The following NEXMIF variants were observed in gnomAD, a reference collection of about 807,000 sequenced individuals.
NEXMIF encodes the protein neurite extension and migration factor, also known as XLMR protein related to neurite extension.
A neutral mutation model predicts 62.1 loss-of-function variants in NEXMIF; 8 were observed. The ratio of observed to expected loss-of-function variants is 0.13; its 90% CI spans 0.08 to 0.23. NEXMIF has a LOEUF of 0.23. NEXMIF is among the 10% of genes least tolerant of loss of function. The pLI, the probability that NEXMIF is intolerant of heterozygous loss-of-function variation, is 1.00. For synonymous variants in NEXMIF, 404 were observed against 416.6 expected (o/e 0.97, Z 0.37); for missense variants, 976 against 1,113.3 (o/e 0.88, Z 1.75).
chrX:74,873,341 T>C (rs2080612066), intron 1 of NEXMIF, among the ~76,000 whole-genome samples: 1 of 112,231 alleles, frequency 8.9e-6, no homozygotes, highest in Non-Finnish European at 1.9e-5. Flanking sequence ...TATGGCTGCA[T>C]AGTATTCCAT....
rs1365191575 is a variant in NEXMIF, at chrX:74,776,742, A to AC, written c.-47-31046_-47-31045insG. Among the ~76,000 whole-genome samples the AC allele has an allele frequency of 9.2e-4, 100 of 108,483 alleles. 1 individual carries two copies. The highest frequency in any genetic ancestry group is 1.7e-3 in the Non-Finnish European group (89 of 52,314). 94.2% of individuals were successfully genotyped at this position (108,483 alleles called of 115,157 possible). On this transcript the variant is annotated intron_variant, in intron 1 of 3. Transcript: ENST00000055682. ...AACTCAGTCTCAAAAAAAAAAAAAA[A>AC]AAACAAACAAAAAAAGGAAGTAGGA... is the stretch of plus-strand genomic sequence containing the variant.
intron 1 of NEXMIF, among the ~76,000 whole-genome samples, chrX:74,760,841 GATTTATTTATTTATTTATTT>G (rs74679235): frequency 8.9e-5 from 8 of 89,444 alleles, no homozygotes; most frequent in East Asian, 3.7e-4. Flanking sequence ...TTGGCCCTAA[GATTTATTTATTTATTTATTT>G]ATTTATTTAT....
intron 1 of NEXMIF, among the ~76,000 whole-genome samples, chrX:74,872,082 T>C (rs1273260440): frequency 9.0e-6 from 1 of 111,449 alleles, no homozygotes; most frequent in Non-Finnish European, 1.9e-5. Context: ...AAGACAGGCC[T>C]AAGAAATGAT....
chrX:74,796,211 A>ATATATATACATATATAT (rs2080309226), intron 1 of NEXMIF, among the ~76,000 whole-genome samples: 4 of 68,195 alleles, frequency 5.9e-5, no homozygotes, highest in African/African-American at 2.5e-4. Context: ...CATATATATT[A>ATATATATACATATATAT]TATATATATA....
chrX:74,828,640 G>C (rs930320068), intron 1 of NEXMIF, among the ~76,000 whole-genome samples: 4 of 111,894 alleles, frequency 3.6e-5, no homozygotes, highest in African/African-American at 1.3e-4. Context: ...TGATAAAATA[G>C]CCTATGATAG....
intron 1 of NEXMIF, among the ~76,000 whole-genome samples, chrX:74,809,944 G>A (rs947621223): frequency 4.5e-5 from 5 of 111,756 alleles, no homozygotes; most frequent in Admixed American, 9.5e-5. Flanking sequence ...TCAAAGGACC[G>A]TTATTAGTAC....
chrX:74,736,068 T>C lies in NEXMIF; in HGVS notation c.*3337A>G, dbSNP rs1241243077. ...TATTTGAGGGATGAAATACCACCTA[T>C]TGGGTACAATGTACACTATTTCGGT... On this transcript the variant is annotated 3_prime_UTR_variant, in exon 4 of 4. Coordinates refer to ENST00000055682, the MANE Select transcript of NEXMIF (RefSeq NM_001008537.3). The C allele has an allele frequency of 9.0e-6, 1 of 111,375 alleles. No individual in the cohort carries two copies. The highest frequency in any genetic ancestry group is 1.9e-5 in the Non-Finnish European group (1 of 53,099). The allele number at this position is 111,375 out of a possible 1,213,427, so 9.2% of individuals were successfully genotyped here. A position where few individuals can be genotyped will look rare whatever the true frequency, so the allele number is the denominator to read the frequency against.
intron 1 of NEXMIF, among the ~76,000 whole-genome samples, chrX:74,875,853 T>A (rs2147507891): frequency 8.9e-6 from 1 of 111,839 alleles, no homozygotes; most frequent in South Asian, 3.7e-4. Flanking sequence ...CCCTTTATCA[T>A]TTTTTATTGT....
intron 1 of NEXMIF, among the ~76,000 whole-genome samples, chrX:74,851,935 T>G (rs1052028588): frequency 9.1e-6 from 1 of 110,294 alleles, no homozygotes; most frequent in Non-Finnish European, 1.9e-5. Flanking sequence ...AGAAACCAAG[T>G]AAAATGATAG....
At chrX:74,843,471 G>T (rs2080480833) in intron 1 of NEXMIF, among the ~76,000 whole-genome samples, 1 of 109,776 alleles carries the variant, frequency 9.1e-6, no homozygotes, top group Admixed American at 9.7e-5. Context: ...CTGGAGTGCA[G>T]TGGTGTGATC....
At chrX:74,906,115 T>G (rs1196515542) in intron 1 of NEXMIF, among the ~76,000 whole-genome samples, 1 of 108,834 alleles carries the variant, frequency 9.2e-6, no homozygotes, top group African/African-American at 3.3e-5. Flanking sequence ...ACACAATTTT[T>G]TTTTTAAATT....
At position 74,831,366 on chromosome X, in the gene NEXMIF, C is replaced by T. The variant is rs1163926658; in HGVS notation, c.-47-85669G>A. On this transcript the variant is annotated intron_variant, in intron 1 of 3. Coordinates refer to ENST00000055682, the MANE Select transcript of NEXMIF (RefSeq NM_001008537.3). ...CCCTCCCCCAACCCCACAACAGTCC[C>T]CGGAGTGTGATGTCCCCCTTCCTGT... Among the ~76,000 whole-genome samples, 4 of 95,310 alleles carry T rather than the reference C, an allele frequency of 4.2e-5. No homozygotes were observed. In the Admixed American group the frequency reaches 4.6e-4, roughly 11 times the overall value. 82.8% of individuals were successfully genotyped at this position (95,310 alleles called of 115,157 possible).
chrX:74,915,337 G>C (rs6647579), intron 1 of NEXMIF, among the ~76,000 whole-genome samples: 16,474 of 111,762 alleles, frequency 0.15, 1,788 homozygotes, highest in East Asian at 0.91. Flanking sequence ...GAACTACACA[G>C]AACTATTATG....
At chrX:74,884,384 C>T (rs1194450137) in intron 1 of NEXMIF, among the ~76,000 whole-genome samples, 2 of 111,484 alleles carry the variant, frequency 1.8e-5, no homozygotes, top group South Asian at 3.8e-4. Flanking sequence ...CATCAGTGTG[C>T]TGTATTCAGG....
chrX:74,912,716 G>A lies in NEXMIF; in HGVS notation c.-48+12167C>T, dbSNP rs185311862. ...TCCTGTAGTGCCAAGCTCTTTTACT[G>A]CTCCCTCCCCCAACCTCAGTCTTCC... is the stretch of plus-strand genomic sequence containing the variant. On this transcript the variant is annotated intron_variant, in intron 1 of 3. Coordinates refer to ENST00000055682, the MANE Select transcript of NEXMIF (RefSeq NM_001008537.3). 9.9e-5 allele frequency among the ~76,000 whole-genome samples: 11 copies of A among 111,416 alleles called. No homozygotes were observed. The East Asian group carries it at 2.0e-3, about 20-fold the overall frequency.
At chrX:74,778,433 CTTCT>C (rs964445632) in intron 1 of NEXMIF, among the ~76,000 whole-genome samples, 14 of 110,990 alleles carry the variant, frequency 1.3e-4, no homozygotes, top group Non-Finnish European at 2.5e-4. Context: ...CCCTTCCTTC[CTTCT>C]TTTCTTTTTT....
intron 1 of NEXMIF, among the ~76,000 whole-genome samples, chrX:74,843,229 C>T (rs2080479580): frequency 9.0e-6 from 1 of 111,346 alleles, no homozygotes; most frequent in Non-Finnish European, 1.9e-5. Context: ...TTATGTAATG[C>T]TCTTAGGCTT....
rs779112643 is a variant in NEXMIF at position 74,812,373 on chromosome X, T to A, written c.-47-66676A>T. ...CTTGATGGCCTCTTCATTAAAAAAA[T>A]TTATTTAAATAAACTTCTTTGTTAG... On this transcript the variant is annotated intron_variant, in intron 1 of 3. Coordinates refer to ENST00000055682, the MANE Select transcript of NEXMIF (RefSeq NM_001008537.3). 1.8e-3 allele frequency among the ~76,000 whole-genome samples: 200 copies of A among 112,173 alleles called. 1 individual carries two copies. The highest frequency in any genetic ancestry group is 5.3e-3 in the African/African-American group (165 of 30,935).
At chrX:74,796,248 A>G in intron 1 of NEXMIF, among the ~76,000 whole-genome samples, 1 of 23,768 alleles carries the variant, frequency 4.2e-5, no homozygotes, top group African/African-American at 8.2e-5. Flanking sequence ...ATATATACAC[A>G]TATATATTAT....
Sources: allele counts gnomAD v4.1 joint callset (sites outside exome capture counted in the v4.1 genomes callset), GRCh38; gene constraint gnomAD v4.1.1; transcripts MANE v1.5; gene names NCBI Gene and HGNC (gene_info 2026-07-23, HGNC 2026-07-21).